The following BCL2L1 variants were observed in gnomAD, a reference collection of about 807,000 sequenced individuals.
The protein encoded by BCL2L1 is bcl-2-like protein 1.
In BCL2L1, 1 loss-of-function variant was observed where a neutral mutation model predicts 18.7. That is an observed-to-expected ratio of 0.05 (90% confidence interval 0.02 to 0.25). BCL2L1 has a LOEUF of 0.25. BCL2L1 is among the 10% of genes least tolerant of loss of function. The pLI is 1.00. For missense variants in BCL2L1, 207 were observed against 304.9 expected (o/e 0.68, Z 2.39); for synonymous variants, 103 against 122.7 (o/e 0.84, Z 1.06).
In BCL2L1 at chr20:31,676,459, GGCT is replaced by G. The variant is rs1272097737; in HGVS notation, c.565-10376_565-10374del. ...TCCAAACATTTAACTGTTCCTGGGT[GGCT>G]GCTATGTGCTCATATAGGCTCATCC... is the stretch of plus-strand genomic sequence containing the variant. On this transcript the variant is annotated intron_variant, in intron 2 of 2. Transcript: ENST00000307677. Among the ~76,000 whole-genome samples, 3 of 152,232 alleles carry G rather than the reference GGCT, an allele frequency of 2.0e-5. No homozygotes were observed. In the South Asian group the frequency reaches 6.2e-4, roughly 32 times the overall value.
rs1179867950 is a variant in BCL2L1, at chr20:31,707,071, T to TGGAAGTTAAGTGGAAGACTTAA, written c.564+14583_564+14584insTTAAGTCTTCCACTTAACTTCC. 2.6e-5 allele frequency among the ~76,000 whole-genome samples: 4 copies of TGGAAGTTAAGTGGAAGACTTAA among 152,310 alleles called. No homozygotes were observed. The East Asian group carries it at 5.8e-4, about 22-fold the overall frequency. On this transcript the variant is annotated intron_variant, in intron 2 of 2. Coordinates refer to ENST00000307677, the MANE Select transcript of BCL2L1 (RefSeq NM_138578.3). ...CACTTTAAATACTTAACTCATTAAG[T>TGGAAGTTAAGTGGAAGACTTAA]CTTCCACTCAGTCAACAAACAAGGA... is the stretch of plus-strand genomic sequence containing the variant.
At chr20:31,706,596 A>G (rs2061372257) in intron 2 of BCL2L1, among the ~76,000 whole-genome samples, 1 of 152,100 alleles carries the variant, frequency 6.6e-6, no homozygotes, top group African/African-American at 2.4e-5. Context: ...TCTCCCAACA[A>G]CCCTCTGAAA....
At chr20:31,717,351 T>A (rs994265208) in intron 2 of BCL2L1, among the ~76,000 whole-genome samples, 1 of 152,064 alleles carries the variant, frequency 6.6e-6, no homozygotes, top group Non-Finnish European at 1.5e-5. Context: ...GGGACACCCA[T>A]ACAAAAGTCA....
chr20:31,706,528 A>G (rs2061370873), intron 2 of BCL2L1, among the ~76,000 whole-genome samples: 1 of 152,230 alleles, frequency 6.6e-6, no homozygotes, highest in Non-Finnish European at 1.5e-5. Context: ...GTAGCTGTTA[A>G]GAGTGAATAA....
chr20:31,717,654 G>A (rs1350478543), intron 2 of BCL2L1, among the ~76,000 whole-genome samples: 1 of 152,182 alleles, frequency 6.6e-6, no homozygotes, highest in African/African-American at 2.4e-5. Flanking sequence ...CCACAGAACT[G>A]CCACTATCTG....
intron 2 of BCL2L1, among the ~76,000 whole-genome samples, chr20:31,711,142 C>T (rs6060855): frequency 0.079 from 11,993 of 152,200 alleles, 490 homozygotes; most frequent in Middle Eastern, 0.12. Flanking sequence ...AAACACAGCA[C>T]CTGGCACAGA....
At position 31,704,104 on chromosome 20, in the gene BCL2L1, C is replaced by CTT. The variant is rs59803981; in HGVS notation, c.564+17549_564+17550dup. On this transcript the variant is annotated intron_variant, in intron 2 of 2. Transcript: ENST00000307677. ...TGAGCCACTGCACCCGGCCCTAAAC[C>CTT]TTTTTTTTTTTTTTTTTGAGACGGA... 4.0e-3 allele frequency among the ~76,000 whole-genome samples: 453 copies of CTT among 114,230 alleles called. 7 individuals are homozygous for CTT. Among genetic ancestry groups the CTT allele is most frequent in the African/African-American group, 0.015 (420 of 28,114 alleles). 74.9% of individuals were successfully genotyped at this position (114,230 alleles called of 152,430 possible). A position where few individuals can be genotyped will look rare whatever the true frequency, so the allele number is the denominator to read the frequency against.
chr20:31,700,159 G>A (rs1478936993), intron 2 of BCL2L1, among the ~76,000 whole-genome samples: 1 of 152,178 alleles, frequency 6.6e-6, no homozygotes, highest in Non-Finnish European at 1.5e-5. Flanking sequence ...ACCTTATCTT[G>A]TTTATCTTAG....
chr20:31,722,232 A>G lies in BCL2L1; in HGVS notation c.-14T>C, dbSNP rs756860018. 6.7e-7 allele frequency: 1 copy of G among 1,488,092 alleles called. No individual in the cohort carries two copies. Among genetic ancestry groups the G allele is most frequent in the Admixed American group, 2.3e-5 (1 of 43,704 alleles). The allele number at this position is 1,488,092 out of a possible 1,614,324, so 92.2% of individuals were successfully genotyped here. A position where few individuals can be genotyped will look rare whatever the true frequency, so the allele number is the denominator to read the frequency against. ...GCTCTGAGACATTTTTATAATAGGG[A>G]TGGGCTCAACCAGTCCATTGTCCAA... On this transcript the variant is annotated 5_prime_UTR_variant, in exon 2 of 3. Transcript: ENST00000307677.
intron 2 of BCL2L1, 39 bp downstream of exon 2, chr20:31,721,616 G>C (rs775050908): frequency 6.5e-7 from 1 of 1,545,756 alleles, no homozygotes; most frequent in Middle Eastern, 1.8e-4. Context: ...TCTGACCAGA[G>C]GCCAAAGAAA....
At chr20:31,693,687 C>T (rs1048459353) in intron 2 of BCL2L1, among the ~76,000 whole-genome samples, 4 of 152,116 alleles carry the variant, frequency 2.6e-5, no homozygotes, top group East Asian at 3.9e-4. Context: ...TGCACCACCA[C>T]GCCCAGCTAT....
At chr20:31,667,887 A>G (rs2060611013) in intron 2 of BCL2L1, among the ~76,000 whole-genome samples, 1 of 152,196 alleles carries the variant, frequency 6.6e-6, no homozygotes, top group Non-Finnish European at 1.5e-5. Context: ...TTAAGGCAGT[A>G]GAGAGCAGTG....
At chr20:31,690,275 G>C (rs1327230758) in intron 2 of BCL2L1, among the ~76,000 whole-genome samples, 2 of 151,598 alleles carry the variant, frequency 1.3e-5, no homozygotes, top group Non-Finnish European at 2.9e-5. Context: ...TTTTTTGAGA[G>C]ACACAGGGTC....
chr20:31,689,002 G>A (rs140927087), intron 2 of BCL2L1, among the ~76,000 whole-genome samples: 9 of 151,920 alleles, frequency 5.9e-5, no homozygotes, highest in East Asian at 3.9e-4. Flanking sequence ...AGCTAAAAGC[G>A]GACCAGGATC....
At chr20:31,670,357 T>G (rs1176206681) in intron 2 of BCL2L1, among the ~76,000 whole-genome samples, 4 of 152,204 alleles carry the variant, frequency 2.6e-5, no homozygotes, top group Non-Finnish European at 4.4e-5. Context: ...AAGGCCCTGG[T>G]TATCCCAAGA....
intron 2 of BCL2L1, among the ~76,000 whole-genome samples, chr20:31,712,180 A>G (rs1355393413): frequency 6.6e-6 from 1 of 152,228 alleles, no homozygotes; most frequent in Non-Finnish European, 1.5e-5. Context: ...AGGCTGTCAC[A>G]TAGTGAGCAC....
At chr20:31,671,441 T>C (rs1331634092) in intron 2 of BCL2L1, among the ~76,000 whole-genome samples, 1 of 152,106 alleles carries the variant, frequency 6.6e-6, no homozygotes, top group Non-Finnish European at 1.5e-5. Context: ...GCCAACACTG[T>C]CCTTTAACTG....
chr20:31,693,164 A>T (rs1056252008), intron 2 of BCL2L1, among the ~76,000 whole-genome samples: 361 of 75,468 alleles, frequency 4.8e-3, no homozygotes, highest in Admixed American at 8.2e-3. Context: ...AGTAAAACTT[A>T]AAAAAAAAAA....
intron 2 of BCL2L1, among the ~76,000 whole-genome samples, chr20:31,697,319 A>C (rs933458462): frequency 6.6e-5 from 10 of 152,128 alleles, no homozygotes; most frequent in Admixed American, 5.9e-4. Flanking sequence ...TTGGTACTGG[A>C]CTTTGGAGCC....
Sources: gnomAD v4.1 joint callset for allele counts (sites outside exome capture counted in the v4.1 genomes callset) on GRCh38, gnomAD v4.1.1 for gene constraint, MANE v1.5 for transcripts, NCBI Gene and HGNC (gene_info 2026-07-23, HGNC 2026-07-21) for gene names.